The following LRP1B variants were observed in gnomAD, a reference collection of about 807,000 sequenced individuals.
LRP1B encodes low-density lipoprotein receptor-related protein 1B.
Under a neutral mutation model 556.6 loss-of-function variants are expected in LRP1B, and 217 were observed. The ratio of observed to expected loss-of-function variants is 0.39; its 90% CI spans 0.35 to 0.44. The LOEUF is 0.44. LRP1B is among the 20% of genes least tolerant of loss of function. The pLI is 1.00. For missense variants in LRP1B, 5,053 were observed against 5,620.8 expected (o/e 0.90, Z 3.23); for synonymous variants, 2,047 against 1,865.8 (o/e 1.10, Z -2.50).
intron 18 of LRP1B, among the ~76,000 whole-genome samples, chr2:140,979,601 A>G (rs1696705381): frequency 1.3e-5 from 2 of 152,182 alleles, no homozygotes; most frequent in African/African-American, 4.8e-5. Context: ...AAATAGGCAA[A>G]CAATACATCA....
rs573980761 is a variant in LRP1B at position 142,028,123 on chromosome 2, A to G, written c.82+102525T>C. Among the ~76,000 whole-genome samples, 11 of 152,136 alleles carry G rather than the reference A, an allele frequency of 7.2e-5. No homozygotes were observed. In the East Asian group the frequency reaches 2.1e-3, roughly 29 times the overall value. ...TAAGGATCAGTTCTAGTCCATGAAC[A>G]AAAATAGAGATTGCTCTTGTCTTAA... On this transcript the variant is annotated intron_variant, in intron 1 of 90. Coordinates refer to ENST00000389484, the MANE Select transcript of LRP1B (RefSeq NM_018557.3).
chr2:141,639,951 C>T (rs188414163), intron 2 of LRP1B, among the ~76,000 whole-genome samples: 10 of 152,270 alleles, frequency 6.6e-5, no homozygotes, highest in African/African-American at 1.7e-4. Flanking sequence ...GAAAAGAAAA[C>T]GCAATGGTAG....
rs747044217 is a variant in LRP1B, at chr2:140,907,985, G to A, written c.3412C>T (p.Pro1138Ser). Reference sequence around the variant, plus strand: ...TCATTAGCACAAGGATGCTTGGGTGGTCCACACAAGAAACTGTCACAGTCA... The same window carrying A: ...TCATTAGCACAAGGATGCTTGGGTGATCCACACAAGAAACTGTCACAGTCA... ...EDDCDSFLCG[P>S]PKHPCANDTS... Residue 1138 changes from proline (P) to serine (S), a missense_variant, in exon 22 of 91, where the codon CCA becomes TCA. Pro to Ser is a moderately conservative substitution (Grantham distance 74, BLOSUM62 -1). This residue lies in a region of LRP1B where 3,619 missense variants were observed against 3,931.9 expected (regional missense o/e 0.92). Coordinates refer to ENST00000389484, the MANE Select transcript of LRP1B (RefSeq NM_018557.3). 6.2e-7 allele frequency: 1 copy of A among 1,613,530 alleles called. No homozygotes were observed. The highest frequency in any genetic ancestry group is 8.5e-7 in the Non-Finnish European group (1 of 1,179,682).
At chr2:141,073,880 T>C (rs1699712065) in intron 7 of LRP1B, among the ~76,000 whole-genome samples, 1 of 152,056 alleles carries the variant, frequency 6.6e-6, no homozygotes, top group Non-Finnish European at 1.5e-5. Context: ...TGCTCCTCTT[T>C]CCTAAACCAA....
intron 3 of LRP1B, among the ~76,000 whole-genome samples, chr2:141,323,391 G>A (rs530730814): frequency 1.9e-4 from 29 of 152,104 alleles, no homozygotes; most frequent in African/African-American, 6.3e-4. Context: ...ATGATCCAAC[G>A]ATCTACTTTC....
chr2:140,344,909 A>G (rs1165480074), intron 77 of LRP1B, among the ~76,000 whole-genome samples: 1 of 151,768 alleles, frequency 6.6e-6, no homozygotes, highest in Non-Finnish European at 1.5e-5. Flanking sequence ...GGGGAAAAAA[A>G]GAAATGTTAA....
chr2:140,478,829 A>AAT (rs1358811798), intron 59 of LRP1B, among the ~76,000 whole-genome samples: 2 of 152,092 alleles, frequency 1.3e-5, no homozygotes, highest in Admixed American at 1.3e-4. Context: ...ACAAACGTAG[A>AAT]ACATTGATAA....
rs865851178 is a variant in LRP1B, at chr2:142,115,599, T to C, written c.82+15049A>G. On this transcript the variant is annotated intron_variant, in intron 1 of 90. Transcript: ENST00000389484. ...ATATATGTAATATATATATTATATA[T>C]GTAATATATATTATATATATGTAAT... is the stretch of plus-strand genomic sequence containing the variant. Among the ~76,000 whole-genome samples, 16 of 41,744 alleles carry C rather than the reference T, an allele frequency of 3.8e-4. 3 individuals carry two copies. Among genetic ancestry groups the C allele is most frequent in the African/African-American group, 1.3e-3 (16 of 12,112 alleles). The allele number at this position is 41,744 out of a possible 152,430, so 27.4% of individuals were successfully genotyped here. A position where few individuals can be genotyped will look rare whatever the true frequency, so the allele number is the denominator to read the frequency against.
In LRP1B at chr2:140,962,878, G is replaced by A. The variant is rs147897637; in HGVS notation, c.2888-10938C>T. ...AAAGGAACAAGAGAGAGAAAATGCT[G>A]CTATGGCTACACAGCAAATTTTAGC... On this transcript the variant is annotated intron_variant, in intron 18 of 90. Coordinates refer to ENST00000389484, the MANE Select transcript of LRP1B (RefSeq NM_018557.3). Among the ~76,000 whole-genome samples, 434 of 152,246 alleles carry A rather than the reference G, an allele frequency of 2.9e-3. 3 individuals carry two copies. Among genetic ancestry groups the A allele is most frequent in the African/African-American group, 0.01 (421 of 41,554 alleles).
chr2:142,124,624 G>C (rs1233945403), intron 1 of LRP1B, among the ~76,000 whole-genome samples: 2 of 151,670 alleles, frequency 1.3e-5, no homozygotes, highest in African/African-American at 4.8e-5. Context: ...TTTCAATATA[G>C]TAAATTCTCT....
chr2:140,496,740 C>T (rs561740402), intron 55 of LRP1B, among the ~76,000 whole-genome samples: 2 of 151,854 alleles, frequency 1.3e-5, no homozygotes, highest in Non-Finnish European at 2.9e-5. Flanking sequence ...CTATACTTGG[C>T]CAGATGATTA....
intron 3 of LRP1B, among the ~76,000 whole-genome samples, chr2:141,307,714 T>C (rs1054844290): frequency 5.3e-5 from 8 of 152,082 alleles, no homozygotes; most frequent in Non-Finnish European, 1.0e-4. Flanking sequence ...ATGACAGTGG[T>C]GGGCTGAGCA....
intron 18 of LRP1B, among the ~76,000 whole-genome samples, chr2:140,970,712 ACCTTTTTTTTTTTTTTTT>A (rs1319259805): frequency 0.07 from 8,870 of 126,052 alleles, 1,351 homozygotes; most frequent in Middle Eastern, 0.091. Flanking sequence ...TAATTTTTTA[ACCTTTTTTTTTTTTTTTT>A]TTTTTTTTTT....
At chr2:141,465,885 T>TA (rs1185947863) in intron 3 of LRP1B, among the ~76,000 whole-genome samples, 2 of 150,826 alleles carry the variant, frequency 1.3e-5, no homozygotes, top group Admixed American at 1.3e-4. Flanking sequence ...TGTTTTTTTT[T>TA]ATTACTATTT....
At chr2:141,289,496 T>C (rs1180089158) in intron 3 of LRP1B, among the ~76,000 whole-genome samples, 1 of 151,818 alleles carries the variant, frequency 6.6e-6, no homozygotes, top group Admixed American at 6.6e-5. Context: ...ATACTACCAC[T>C]GTCATTATTT....
chr2:140,295,112 T>C (rs531587057), intron 84 of LRP1B, among the ~76,000 whole-genome samples: 2 of 151,834 alleles, frequency 1.3e-5, no homozygotes, highest in Non-Finnish European at 2.9e-5. Flanking sequence ...CCTCCTGACC[T>C]CGTGATCCGC....
chr2:140,768,269 G>T (rs1302410042), intron 35 of LRP1B, among the ~76,000 whole-genome samples: 1 of 151,738 alleles, frequency 6.6e-6, no homozygotes, highest in East Asian at 1.9e-4. Context: ...AACAAAATGT[G>T]TTAGAACTGT....
intron 83 of LRP1B, among the ~76,000 whole-genome samples, chr2:140,311,286 A>T (rs994537874): frequency 2.6e-5 from 4 of 151,894 alleles, no homozygotes; most frequent in African/African-American, 4.8e-5. Context: ...CTACGTGTTC[A>T]GCGAATGACT....
At chr2:141,344,237 C>T (rs1437534110) in intron 3 of LRP1B, among the ~76,000 whole-genome samples, 1 of 152,048 alleles carries the variant, frequency 6.6e-6, no homozygotes, top group Non-Finnish European at 1.5e-5. Context: ...CCCTCCTTTC[C>T]TTAAAAATCT....
Sources: allele counts gnomAD v4.1 joint callset (sites outside exome capture counted in the v4.1 genomes callset), GRCh38; gene constraint gnomAD v4.1.1; regional missense constraint gnomAD v4.1.1; transcripts MANE v1.5; gene names NCBI Gene and HGNC (gene_info 2026-07-23, HGNC 2026-07-21).